Variants in SOX6 observed in about 807,000 individuals in gnomAD.
SOX6 encodes SRY-box transcription factor 6, also known as transcription factor SOX-6.
In SOX6, 11 loss-of-function variants were observed where a neutral mutation model predicts 97.8. The observed-to-expected ratio is 0.11, with a 90% confidence interval of 0.07 to 0.19. The LOEUF is 0.19. Among genes scored for constraint, SOX6 ranks in the 10% least tolerant of loss-of-function variants. The pLI, the probability that SOX6 is intolerant of heterozygous loss-of-function variation, is 1.00. For synonymous variants in SOX6, 360 were observed against 371.4 expected (o/e 0.97, Z 0.35); for missense variants, 810 against 1,039.5 (o/e 0.78, Z 3.04).
At chr11:16,394,269 GA>G (rs1288659114) in intron 1 of SOX6, among the ~76,000 whole-genome samples, 1 of 151,888 alleles carries the variant, frequency 6.6e-6, no homozygotes, top group African/African-American at 2.4e-5. Flanking sequence ...GATAATACAT[GA>G]AAAAGTTCAC....
chr11:16,005,967 TA>T (rs111577733), intron 13 of SOX6, among the ~76,000 whole-genome samples: 22 of 150,896 alleles, frequency 1.5e-4, no homozygotes, highest in African/African-American at 4.6e-4. Flanking sequence ...CAAAAACAAT[TA>T]AAAAAAAACC....
At chr11:16,488,025 T>C (rs965727768) in intron 4 of SOX6, among the ~76,000 whole-genome samples, 7 of 152,220 alleles carry the variant, frequency 4.6e-5, no homozygotes, top group Non-Finnish European at 8.8e-5. Context: ...CTTGCATGTA[T>C]GTGGCACTTT....
At chr11:16,069,657 A>C (rs541072881) in intron 9 of SOX6, among the ~76,000 whole-genome samples, 1 of 152,318 alleles carries the variant, frequency 6.6e-6, no homozygotes, top group African/African-American at 2.4e-5. Flanking sequence ...TTTAAAATTA[A>C]AGTTTATGCA....
intron 6 of SOX6, among the ~76,000 whole-genome samples, chr11:16,142,048 C>T (rs1238938532): frequency 6.6e-6 from 1 of 152,192 alleles, no homozygotes; most frequent in Non-Finnish European, 1.5e-5. Context: ...AATGGACAGA[C>T]TGCCTCCTCA....
chr11:16,604,689 G>A (rs1487477521), intron 4 of SOX6, among the ~76,000 whole-genome samples: 1 of 152,214 alleles, frequency 6.6e-6, no homozygotes, highest in Non-Finnish European at 1.5e-5. Flanking sequence ...AAGCAGCCCA[G>A]GACAGCCCAT....
chr11:16,354,612 G>C (rs1857029105), intron 1 of SOX6, among the ~76,000 whole-genome samples: 2 of 152,110 alleles, frequency 1.3e-5, no homozygotes, highest in South Asian at 2.1e-4. Context: ...GTCCTGAGCT[G>C]TAGGTGCCTA....
chr11:16,484,066 C>A, intron 4 of SOX6: 1 of 774,028 alleles, frequency 1.3e-6, no homozygotes, highest in South Asian at 1.3e-5. Flanking sequence ...TAGGCAGTCA[C>A]CACAATGCCT....
At chr11:16,583,876 C>A (rs1355546254) in intron 4 of SOX6, among the ~76,000 whole-genome samples, 2 of 150,960 alleles carry the variant, frequency 1.3e-5, no homozygotes, top group African/African-American at 4.9e-5. Flanking sequence ...TACATTCCTA[C>A]CAATAGTATA....
chr11:16,416,942 A>C (rs1164173575), intron 1 of SOX6, among the ~76,000 whole-genome samples: 1 of 152,142 alleles, frequency 6.6e-6, no homozygotes, highest in Admixed American at 6.6e-5. Context: ...TCTACCTTTC[A>C]CACTGAAGCG....
At chr11:16,072,047 G>A (rs1347283768) in intron 9 of SOX6, among the ~76,000 whole-genome samples, 1 of 152,120 alleles carries the variant, frequency 6.6e-6, no homozygotes, top group Non-Finnish European at 1.5e-5. Flanking sequence ...ACCTTCAAAT[G>A]ACCACACTAG....
intron 3 of SOX6, 109 bp downstream of exon 3, chr11:16,318,337 G>T: frequency 8.4e-7 from 1 of 1,188,370 alleles, no homozygotes; most frequent in Non-Finnish European, 1.2e-6. Context: ...CCTAGCTAGT[G>T]ACAATTATGC....
At chr11:16,731,826 T>C (rs183245896) in intron 2 of SOX6, among the ~76,000 whole-genome samples, 56 of 152,328 alleles carry the variant, frequency 3.7e-4, no homozygotes, top group African/African-American at 1.3e-3. Context: ...GACAACATGA[T>C]TGCATATTTT....
At chr11:16,540,967 A>C (rs984978672) in intron 4 of SOX6, among the ~76,000 whole-genome samples, 4 of 152,210 alleles carry the variant, frequency 2.6e-5, no homozygotes, top group Admixed American at 1.3e-4. Context: ...ATTGGAAAAA[A>C]CTATTCTAAA....
At chr11:16,320,106 A>C (rs553402039) in intron 2 of SOX6, among the ~76,000 whole-genome samples, 5 of 152,122 alleles carry the variant, frequency 3.3e-5, no homozygotes, top group Non-Finnish European at 7.4e-5. Flanking sequence ...GGAAACAGCT[A>C]TTATTTTGCC....
chr11:16,366,148 C>G (rs2134384941), intron 1 of SOX6, among the ~76,000 whole-genome samples: 1 of 152,218 alleles, frequency 6.6e-6, no homozygotes, highest in South Asian at 2.1e-4. Flanking sequence ...CTAGGCCCCT[C>G]TAAGTACTAG....
At chr11:16,685,106 G>A (rs1847959323) in intron 3 of SOX6, among the ~76,000 whole-genome samples, 1 of 151,836 alleles carries the variant, frequency 6.6e-6, no homozygotes, top group Non-Finnish European at 1.5e-5. Context: ...TTCAACTTTG[G>A]GGAATACAAT....
At chr11:16,598,979 T>C (rs552053355) in intron 4 of SOX6, among the ~76,000 whole-genome samples, 67 of 152,136 alleles carry the variant, frequency 4.4e-4, no homozygotes, top group Non-Finnish European at 8.7e-4. Context: ...CGAGAGAACA[T>C]AGAATGTTTG....
chr11:16,012,374 T>A (rs1854757391), intron 13 of SOX6, among the ~76,000 whole-genome samples: 1 of 151,964 alleles, frequency 6.6e-6, no homozygotes, highest in Admixed American at 6.6e-5. Flanking sequence ...AGCACTGCAC[T>A]TCGGTCGGTA....
chr11:16,066,329 T>A (rs989855313), intron 9 of SOX6, among the ~76,000 whole-genome samples: 1 of 152,158 alleles, frequency 6.6e-6, no homozygotes, highest in African/African-American at 2.4e-5. Flanking sequence ...ACAACCACTA[T>A]GGAGCACAAT....
Sources: gnomAD v4.1 joint callset for allele counts (sites outside exome capture counted in the v4.1 genomes callset) on GRCh38, gnomAD v4.1.1 for gene constraint, MANE v1.5 for transcripts, NCBI Gene and HGNC (gene_info 2026-07-23, HGNC 2026-07-21) for gene names.